Variants in MACO1 observed in about 807,000 individuals in gnomAD.
MACO1 encodes the protein macoilin.
A neutral mutation model predicts 78.7 loss-of-function variants in MACO1; 14 were observed. That is an observed-to-expected ratio of 0.18 (90% CI 0.12 to 0.28). The LOEUF (loss-of-function observed/expected upper bound fraction) is 0.28, where lower values mean the gene tolerates loss of function less well. Among genes scored for constraint, MACO1 ranks in the 10% least tolerant of loss-of-function variants. The pLI, the probability that MACO1 is intolerant of heterozygous loss-of-function variation, is 1.00. For missense variants in MACO1, 501 were observed against 799.0 expected, an observed-to-expected ratio of 0.63 and a Z score of 4.50; for synonymous variants, 288 against 291.6, an observed-to-expected ratio of 0.99 and a Z score of 0.12.
At chr1:25,462,819 GCT>G (rs1308698798) in intron 6 of MACO1, among the ~76,000 whole-genome samples, 1 of 57,076 alleles carries the variant, frequency 1.8e-5, no homozygotes, top group Non-Finnish European at 4.7e-5. Context: ...TCTTTCTCAA[GCT>G]CTCTCAGCTC....
chr1:25,443,939 T>C (rs183983175), intron 1 of MACO1, among the ~76,000 whole-genome samples: 5 of 56,116 alleles, frequency 8.9e-5, no homozygotes, highest in Non-Finnish European at 1.5e-4. Context: ...TTCCATGCCC[T>C]TTTTTTTTTT....
intron 6 of MACO1, among the ~76,000 whole-genome samples, chr1:25,480,905 G>C (rs1401302536): frequency 1.0e-5 from 1 of 99,322 alleles, no homozygotes; most frequent in African/African-American, 4.6e-5. Context: ...AACAGAGTGA[G>C]ACTTGGTTAA....
chr1:25,442,019 T>C (rs1337500622), intron 1 of MACO1, among the ~76,000 whole-genome samples: 6 of 152,248 alleles, frequency 3.9e-5, no homozygotes, highest in African/African-American at 9.6e-5. Context: ...TATATACCAG[T>C]GCTTCTAAAA....
intron 6 of MACO1, among the ~76,000 whole-genome samples, chr1:25,468,957 C>T (rs547178016): frequency 6.6e-6 from 1 of 152,316 alleles, no homozygotes; most frequent in South Asian, 2.1e-4. Context: ...TCTCCTGCCT[C>T]AGCCTCCCAA....
At chr1:25,488,704 T>TG (rs756479252) in intron 8 of MACO1, among the ~76,000 whole-genome samples, 42 of 152,130 alleles carry the variant, frequency 2.8e-4, no homozygotes, top group Non-Finnish European at 5.0e-4. Flanking sequence ...AGGCTGGTCT[T>TG]GAACTCCTGA....
At chr1:25,444,785 C>T (rs2043001447) in intron 1 of MACO1, among the ~76,000 whole-genome samples, 1 of 152,044 alleles carries the variant, frequency 6.6e-6, no homozygotes, top group Non-Finnish European at 1.5e-5. Flanking sequence ...TGGGGTCTCA[C>T]TATGTTGCCC....
intron 4 of MACO1, 150 bp from the exon 5 acceptor site, chr1:25,456,503 T>A: frequency 1.3e-6 from 1 of 783,158 alleles, no homozygotes; most frequent in Non-Finnish European, 2.0e-6. Context: ...GACATTACAT[T>A]TATTTGTGTG....
Position 25,498,746 on chromosome 1 carries a change from TTTATGTATTC to T in MACO1, c.*284_*293del. On this transcript the variant is annotated 3_prime_UTR_variant, in exon 11 of 11. Coordinates refer to ENST00000374343, the MANE Select transcript of MACO1 (RefSeq NM_018202.6). The stretch of plus-strand genomic sequence containing the variant: ...GGATTTCAAGTAGCCAACTTTGCCT[TTTATGTATTC>T]TTACATAGTTTCCTCTTGAAGAAAA... 1 of 345,348 alleles carries T rather than the reference TTTATGTATTC, an allele frequency of 2.9e-6. No individual in the cohort carries two copies. Among genetic ancestry groups the T allele is most frequent in the Non-Finnish European group, 5.2e-6 (1 of 193,306 alleles). 21.4% of individuals were successfully genotyped at this position (345,348 alleles called of 1,614,324 possible). A position where few individuals can be genotyped will look rare whatever the true frequency, so the allele number is the denominator to read the frequency against.
chr1:25,445,132 T>TAA (rs11297651), intron 1 of MACO1, among the ~76,000 whole-genome samples: 14 of 112,268 alleles, frequency 1.2e-4, no homozygotes, highest in African/African-American at 4.1e-4. Context: ...CCATCTCTAT[T>TAA]AAAAAAAAAA....
intron 6 of MACO1, among the ~76,000 whole-genome samples, chr1:25,462,468 TC>T (rs1487026888): frequency 1.3e-5 from 2 of 152,142 alleles, no homozygotes; most frequent in African/African-American, 2.4e-5. Flanking sequence ...TTCCTCCTTT[TC>T]AAGTCCCTAG....
intron 6 of MACO1, among the ~76,000 whole-genome samples, chr1:25,466,414 A>G (rs2043219685): frequency 6.6e-6 from 1 of 152,164 alleles, no homozygotes; most frequent in African/African-American, 2.4e-5. Flanking sequence ...CCTGGGTTCA[A>G]GTGATTCTCG....
intron 6 of MACO1, among the ~76,000 whole-genome samples, chr1:25,462,698 GA>G: frequency 6.6e-6 from 1 of 152,320 alleles, no homozygotes; most frequent in East Asian, 1.9e-4. Flanking sequence ...CTTTTGGGGG[GA>G]AAATTCATTA....
intron 6 of MACO1, among the ~76,000 whole-genome samples, chr1:25,461,770 T>C: frequency 6.6e-6 from 1 of 152,308 alleles, no homozygotes; most frequent in East Asian, 1.9e-4. Context: ...AAAAACAATT[T>C]TTTCTAATAT....
intron 6 of MACO1, among the ~76,000 whole-genome samples, chr1:25,464,578 C>T (rs2043199727): frequency 6.6e-6 from 1 of 151,676 alleles, no homozygotes; most frequent in Admixed American, 6.6e-5. Context: ...CTCCTGACCT[C>T]AGGTGATCTG....
chr1:25,474,696 C>T (rs2043304644), intron 6 of MACO1, among the ~76,000 whole-genome samples: 1 of 152,180 alleles, frequency 6.6e-6, no homozygotes, highest in South Asian at 2.1e-4. Flanking sequence ...GCTGCTTACT[C>T]CATCTGTGTC....
chr1:25,452,068 G>A (rs1400825355), intron 3 of MACO1, among the ~76,000 whole-genome samples: 1 of 151,932 alleles, frequency 6.6e-6, no homozygotes, highest in African/African-American at 2.4e-5. Flanking sequence ...CAGGTACTAG[G>A]ACTAAGGGAG....
In MACO1 at chr1:25,488,780, C is replaced by T. The variant is rs569450048; in HGVS notation, c.1497-393C>T. Reference sequence around the variant, plus strand: ...GATTACAGGCGTGAGCCACTGCACTCGGCCAACCTATAGTCTTTTTTAAAA... The same window carrying T: ...GATTACAGGCGTGAGCCACTGCACTTGGCCAACCTATAGTCTTTTTTAAAA... On this transcript the variant is annotated intron_variant, in intron 8 of 10. Coordinates refer to ENST00000374343, the MANE Select transcript of MACO1 (RefSeq NM_018202.6). Among the ~76,000 whole-genome samples the T allele has an allele frequency of 3.3e-5, 5 of 152,150 alleles. No individual in the cohort carries two copies. In the South Asian group the frequency reaches 8.3e-4, roughly 25 times the overall value.
chr1:25,475,467 T>A (rs2043313732), intron 6 of MACO1, among the ~76,000 whole-genome samples: 1 of 151,874 alleles, frequency 6.6e-6, no homozygotes, highest in African/African-American at 2.4e-5. Flanking sequence ...ATCTGAACAC[T>A]TTGAGAGGCC....
chr1:25,458,629 A>G lies in MACO1; in HGVS notation c.891A>G (p.Arg297=). 2.5e-6 allele frequency: 4 copies of G among 1,614,128 alleles called. No individual in the cohort carries two copies. Among genetic ancestry groups the G allele is most frequent in the Non-Finnish European group, 3.4e-6 (4 of 1,180,004 alleles). Residue 297 remains arginine (R), a synonymous_variant, in exon 6 of 11, where the codon AGA becomes AGG. Coordinates refer to ENST00000374343, the MANE Select transcript of MACO1 (RefSeq NM_018202.6). ...TGGAAAACCATATCAATAGTAAAAG[A>G]TTAAATAATGATCTTGTGGGAAGTA... ...EYMENHINSK[R]LNNDLVGSTE...
Sources: allele counts gnomAD v4.1 joint callset (sites outside exome capture counted in the v4.1 genomes callset), GRCh38; gene constraint gnomAD v4.1.1; transcripts MANE v1.5; gene names NCBI Gene and HGNC (gene_info 2026-07-23, HGNC 2026-07-21).